TGM5: variants seen among roughly 807,000 people sequenced by gnomAD.
TGM5 encodes protein-glutamine gamma-glutamyltransferase 5.
In TGM5, 69 loss-of-function variants were observed where a neutral mutation model predicts 77.2. The ratio of observed to expected loss-of-function variants is 0.89; its 90% CI spans 0.74 to 1.09. The LOEUF (loss-of-function observed/expected upper bound fraction) is 1.09, where lower values mean the gene tolerates loss of function less well. TGM5 is among the 50% of genes least tolerant of loss of function. The pLI, the probability that TGM5 is intolerant of heterozygous loss-of-function variation, is 0.00. For synonymous variants in TGM5, 346 were observed against 351.8 expected (o/e 0.98, Z 0.18); for missense variants, 842 against 896.5 (o/e 0.94, Z 0.78).
rs371280622 is a variant in TGM5 at position 43,256,678 on chromosome 15, C to A, written c.445G>T (p.Val149Phe). ...CTCTGGGGTTCACTGTCCAAGTAGACAGCATCCTCTAGGAACCAGAGTGGG... is the reference window on the plus strand; with the variant it reads ...CTCTGGGGTTCACTGTCCAAGTAGAAAGCATCCTCTAGGAACCAGAGTGGG... The part of the protein sequence containing the change: ...LFNPWCPEDA[V>F]YLDSEPQRQE... The change falls in exon 4 of 13, where the codon GTC (valine) becomes TTC (phenylalanine). Residue 149 changes from valine to phenylalanine, a missense_variant. Val to Phe is a conservative substitution (Grantham distance 50, BLOSUM62 -1). Transcript: ENST00000220420. 1.2e-6 allele frequency: 2 copies of A among 1,612,286 alleles called. No homozygotes were observed. The highest frequency in any genetic ancestry group is 1.7e-6 in the Non-Finnish European group (2 of 1,178,506).
rs200100238 is a variant in TGM5, at chr15:43,253,497, G to A, written c.684+9C>T. 153 of 1,610,776 alleles carry A rather than the reference G, an allele frequency of 9.5e-5. 1 individual carries two copies. The Admixed American group carries it at 1.5e-3, about 16-fold the overall frequency. ...CTTCCTCCCTCCCCGGGCACGCCAG[G>A]GACCTCACCATGGCACACACCACTC... On this transcript the variant is annotated intron_variant, in intron 5 of 12. Coordinates refer to ENST00000220420, the MANE Select transcript of TGM5 (RefSeq NM_201631.4).
At chr15:43,262,490 T>C (rs891079633) in intron 1 of TGM5, among the ~76,000 whole-genome samples, 1 of 152,160 alleles carries the variant, frequency 6.6e-6, no homozygotes, top group African/African-American at 2.4e-5. Flanking sequence ...AAACTAAGAA[T>C]AGAAGGGGAC....
chr15:43,249,872 G>A (rs766882349), intron 6 of TGM5, among the ~76,000 whole-genome samples: 1 of 152,242 alleles, frequency 6.6e-6, no homozygotes, highest in Non-Finnish European at 1.5e-5. Flanking sequence ...ATGTGTCAAC[G>A]TGTTGAAAGG....
rs185716340 is a variant in TGM5 at position 43,252,955 on chromosome 15, G to T, written c.685-19C>A. 1,176 of 1,611,334 alleles carry T rather than the reference G, an allele frequency of 7.3e-4. 8 individuals carry two copies. The South Asian group carries it at 7.4e-3, about 10-fold the overall frequency. Reference sequence around the variant, plus strand: ...TGTTGATCTGAAGAGAAGCCATATAGAGAAGTGTTAGAAACATCCATTTCC... The same window carrying T: ...TGTTGATCTGAAGAGAAGCCATATATAGAAGTGTTAGAAACATCCATTTCC... On this transcript the variant is annotated intron_variant, in intron 5 of 12. Coordinates refer to ENST00000220420, the MANE Select transcript of TGM5 (RefSeq NM_201631.4).
chr15:43,238,883 T>C lies in TGM5; in HGVS notation c.1279A>G (p.Ile427Val), dbSNP rs747200999. Residue 427 changes from isoleucine to valine, a missense_variant, in exon 9 of 13, where the codon ATC becomes GTC. Physicochemically the swap from Ile to Val is conservative, Grantham distance 29. Around this residue, in one of 2 missense-constraint regions of TGM5, gnomAD observed 815 missense variants for 844.6 expected, o/e 0.96. Transcript: ENST00000220420. ...HQDTSSVGNFISTKSIQSDER... is the reference protein window; with the variant it reads ...HQDTSSVGNFVSTKSIQSDER... The stretch of plus-strand genomic sequence containing the variant: ...TCACTCTGGATGCTCTTTGTGCTGA[T>C]AAAATTGCCAACAGAACTCGTGTCC... 6 of 1,614,218 alleles carry C rather than the reference T, an allele frequency of 3.7e-6. No homozygotes were observed. The South Asian group carries it at 5.5e-5, about 15-fold the overall frequency.
At chr15:43,234,241 T>C (rs1235183879) in intron 11 of TGM5, among the ~76,000 whole-genome samples, 3 of 152,160 alleles carry the variant, frequency 2.0e-5, no homozygotes, top group Admixed American at 6.5e-5. Flanking sequence ...TGGTTGACTT[T>C]GGGGAGACAG....
At chr15:43,239,326 G>A in intron 7 of TGM5, 60 bp from the exon 8 acceptor site, 1 of 1,545,104 alleles carries the variant, frequency 6.5e-7, no homozygotes, top group Non-Finnish European at 8.9e-7. Context: ...AACAAGGCAA[G>A]GGAGGGATGA....
intron 7 of TGM5, 131 bp from the exon 8 acceptor site, chr15:43,239,397 G>T: frequency 1.1e-6 from 1 of 888,088 alleles, no homozygotes; most frequent in Non-Finnish European, 1.8e-6. Context: ...AACCTCTGTG[G>T]ATAGCCAGGC....
chr15:43,234,757 A>T lies in TGM5; in HGVS notation c.1875+12T>A. 1 of 1,613,940 alleles carries T rather than the reference A, an allele frequency of 6.2e-7. No homozygotes were observed. Among genetic ancestry groups the T allele is most frequent in the South Asian group, 1.1e-5 (1 of 91,072 alleles). On this transcript the variant is annotated intron_variant, in intron 11 of 12. Coordinates refer to ENST00000220420, the MANE Select transcript of TGM5 (RefSeq NM_201631.4). ...AGGAGCCCCACAAGCCATTTGCAGG[A>T]CTCCTGCCTACATTAATCGTGATGC...
intron 6 of TGM5, among the ~76,000 whole-genome samples, chr15:43,251,781 C>G (rs958044732): frequency 1.3e-5 from 2 of 152,178 alleles, no homozygotes; most frequent in Non-Finnish European, 2.9e-5. Context: ...TCATGATTTC[C>G]TCCTCATCTC....
rs2042827202 is a variant in TGM5 at position 43,266,769 on chromosome 15, C to T, written c.10+71G>A. On this transcript the variant is annotated intron_variant, in intron 1 of 12. Coordinates refer to ENST00000220420, the MANE Select transcript of TGM5 (RefSeq NM_201631.4). ...TATTTCTCTGAATCCACCCTCCACC[C>T]CTTGACTTCCTACAGTCTCTCTCTG... The T allele has an allele frequency of 3.8e-6, 6 of 1,586,304 alleles. No individual in the cohort carries two copies. In the East Asian group the frequency reaches 8.9e-5, roughly 24 times the overall value.
At chr15:43,254,201 C>A (rs1433909270) in intron 4 of TGM5, among the ~76,000 whole-genome samples, 1 of 152,216 alleles carries the variant, frequency 6.6e-6, no homozygotes, top group African/African-American at 2.4e-5. Flanking sequence ...CCCTCTGAGG[C>A]CTTCCCCGAG....
chr15:43,248,916 T>C (rs901404004), intron 6 of TGM5, among the ~76,000 whole-genome samples: 2 of 152,316 alleles, frequency 1.3e-5, no homozygotes, highest in South Asian at 2.1e-4. Context: ...AAAAAAGTAT[T>C]AAGCAGAGGG....
At position 43,239,214 on chromosome 15, in the gene TGM5, CA is replaced by C. The variant is rs1198196613; in HGVS notation, c.1053del (p.Ala352HisfsTer15). The C allele has an allele frequency of 2.5e-6, 4 of 1,614,160 alleles. No homozygotes were observed. The highest frequency in any genetic ancestry group is 1.7e-6 in the Non-Finnish European group (2 of 1,180,034). On this transcript the variant is annotated frameshift_variant, in exon 8 of 13. Coordinates refer to ENST00000220420, the MANE Select transcript of TGM5 (RefSeq NM_201631.4). LOFTEE classifies it high-confidence loss of function. ...TCCAGCACCTGCCAGCCTCCATATGCAGGGGGCAGATCCTTCCGGGCCATCC... is the reference window on the plus strand; with the variant it reads ...TCCAGCACCTGCCAGCCTCCATATGCGGGGGCAGATCCTTCCGGGCCATCC... ...ECWMARKDLP[P>X]AYGGWQVLDA...
At chr15:43,260,629 A>G in intron 1 of TGM5, 50 bp from the exon 2 acceptor site, 1 of 1,601,078 alleles carries the variant, frequency 6.2e-7, no homozygotes, top group African/African-American at 1.3e-5. Context: ...TGTGGAGCCA[A>G]TCCTGTCCAC....
chr15:43,244,300 A>G (rs1194420812), intron 6 of TGM5, among the ~76,000 whole-genome samples: 1 of 152,224 alleles, frequency 6.6e-6, no homozygotes, highest in Non-Finnish European at 1.5e-5. Flanking sequence ...CATTCCTAGT[A>G]CAAGGCTGGG....
chr15:43,252,274 G>A (rs574195313), intron 6 of TGM5, among the ~76,000 whole-genome samples: 51 of 152,326 alleles, frequency 3.3e-4, no homozygotes, highest in African/African-American at 1.2e-3. Context: ...TCTGACATAA[G>A]CCCAGACATG....
At chr15:43,259,931 G>T in intron 3 of TGM5, 121 bp downstream of exon 3, 1 of 1,406,140 alleles carries the variant, frequency 7.1e-7, no homozygotes, top group Non-Finnish European at 9.9e-7. Context: ...CGGATGCTGA[G>T]TGCAGGGAAT....
At chr15:43,239,116 G>A (rs2042614390) in intron 8 of TGM5, 47 bp downstream of exon 8, 1 of 1,614,128 alleles carries the variant, frequency 6.2e-7, no homozygotes, top group Non-Finnish European at 8.5e-7. Flanking sequence ...CAGGGGTGGG[G>A]TGCTTTCCAC....
Sources: gnomAD v4.1 joint callset for allele counts (sites outside exome capture counted in the v4.1 genomes callset) on GRCh38, gnomAD v4.1.1 for gene constraint, gnomAD v4.1.1 regional missense constraint, MANE v1.5 for transcripts, NCBI Gene and HGNC (gene_info 2026-07-23, HGNC 2026-07-21) for gene names.